Variants in MCTP1 observed in about 807,000 individuals in gnomAD.
MCTP1 encodes the protein multiple C2 and transmembrane domain containing 1, also known as multiple C2 and transmembrane domain-containing protein 1.
Under a neutral mutation model 120.6 loss-of-function variants are expected in MCTP1, and 69 were observed. The observed-to-expected ratio is 0.57, with a 90% CI of 0.47 to 0.70. The LOEUF (loss-of-function observed/expected upper bound fraction) is 0.70. Ranked by LOEUF, MCTP1 falls within the 30% of genes least tolerant of loss-of-function variation. The pLI is 0.00. For synonymous variants in MCTP1, 529 were observed against 493.1 expected (o/e 1.07, Z -0.96); for missense variants, 1,203 against 1,248.8 (o/e 0.96, Z 0.55).
chr5:94,813,152 GA>G (rs1199260102), intron 17 of MCTP1, among the ~76,000 whole-genome samples: 1 of 152,026 alleles, frequency 6.6e-6, no homozygotes, highest in Non-Finnish European at 1.5e-5. Context: ...TAAACAATGG[GA>G]AAAAGATTTA....
chr5:95,057,543 C>G (rs1282338724), intron 1 of MCTP1, among the ~76,000 whole-genome samples: 1 of 152,208 alleles, frequency 6.6e-6, no homozygotes, highest in African/African-American at 2.4e-5. Context: ...GAAATTCATT[C>G]ATCTCAAGAT....
rs1790006880 is a variant in MCTP1, at chr5:94,837,280, C to T, written c.2436+31053G>A. 2.0e-5 allele frequency among the ~76,000 whole-genome samples: 3 copies of T among 152,104 alleles called. No individual in the cohort carries two copies. In the South Asian group the frequency reaches 6.2e-4, roughly 32 times the overall value. ...CCTGTAGTCCCAGCTGCTCGGGAGG[C>T]TGAGGTAGGAGGATCACTTGAGCCC... On this transcript the variant is annotated intron_variant, in intron 17 of 22. Coordinates refer to ENST00000515393, the MANE Select transcript of MCTP1 (RefSeq NM_024717.7).
chr5:95,013,355 C>T (rs1178086598), intron 2 of MCTP1, among the ~76,000 whole-genome samples: 2 of 152,156 alleles, frequency 1.3e-5, no homozygotes, highest in East Asian at 3.9e-4. Context: ...CTACACTAAA[C>T]AACAGATTTT....
At chr5:94,952,463 A>G (rs982980130) in intron 3 of MCTP1, among the ~76,000 whole-genome samples, 3 of 152,176 alleles carry the variant, frequency 2.0e-5, no homozygotes, top group Non-Finnish European at 4.4e-5. Flanking sequence ...GATTGCTGAA[A>G]GATGAGATTT....
intron 19 of MCTP1, among the ~76,000 whole-genome samples, chr5:94,755,693 T>G (rs1456100830): frequency 6.6e-6 from 1 of 152,184 alleles, no homozygotes; most frequent in Non-Finnish European, 1.5e-5. Flanking sequence ...TCCTTTTCAG[T>G]ATATGTTCTG....
chr5:95,056,730 C>T (rs1451437881), intron 1 of MCTP1, among the ~76,000 whole-genome samples: 2 of 152,058 alleles, frequency 1.3e-5, no homozygotes, highest in African/African-American at 4.8e-5. Flanking sequence ...ATTTTGTGTC[C>T]TGCTTTGACG....
At chr5:95,231,955 C>G (rs1047952176) in intron 1 of MCTP1, among the ~76,000 whole-genome samples, 1 of 152,002 alleles carries the variant, frequency 6.6e-6, no homozygotes, top group African/African-American at 2.4e-5. Context: ...AACCTTAGTT[C>G]TTTTGTCATT....
intron 6 of MCTP1, among the ~76,000 whole-genome samples, chr5:94,926,940 C>G (rs562757960): frequency 1.3e-5 from 2 of 152,326 alleles, no homozygotes; most frequent in African/African-American, 4.8e-5. Context: ...TGTCCCTTCA[C>G]TTTGTACCAA....
At chr5:95,276,280 TCGAGTTTCACTC>T (rs1759826161) in intron 1 of MCTP1, among the ~76,000 whole-genome samples, 1 of 114,446 alleles carries the variant, frequency 8.7e-6, no homozygotes, top group Non-Finnish European at 1.9e-5. Context: ...TTTTTTTTGA[TCGAGTTTCACTC>T]TTGTCGCCCA....
rs1361730986 is a variant in MCTP1, at chr5:94,741,849, T to C, written c.2611-26963A>G. Among the ~76,000 whole-genome samples, 3 of 152,224 alleles carry C rather than the reference T, an allele frequency of 2.0e-5. No individual in the cohort carries two copies. In the East Asian group the frequency reaches 5.8e-4, roughly 29 times the overall value. On this transcript the variant is annotated intron_variant, in intron 19 of 22. Coordinates refer to ENST00000515393, the MANE Select transcript of MCTP1 (RefSeq NM_024717.7). ...GTGATTTACTGCTTGTGACTTTGCA[T>C]GAATTCCTTAACCTCCCTAAACCTC... is the stretch of plus-strand genomic sequence containing the variant.
chr5:95,243,571 A>T (rs1756411131), intron 1 of MCTP1, among the ~76,000 whole-genome samples: 1 of 152,188 alleles, frequency 6.6e-6, no homozygotes, highest in Non-Finnish European at 1.5e-5. Context: ...AGCAATGAGG[A>T]ATCAGTGACA....
At chr5:95,171,270 C>T (rs961854759) in intron 1 of MCTP1, among the ~76,000 whole-genome samples, 8 of 152,102 alleles carry the variant, frequency 5.3e-5, no homozygotes, top group African/African-American at 7.2e-5. Context: ...GAGTTTCTGC[C>T]GAGAGATCCG....
intron 1 of MCTP1, among the ~76,000 whole-genome samples, chr5:95,153,669 T>C (rs1744783825): frequency 6.6e-6 from 1 of 152,214 alleles, no homozygotes; most frequent in African/African-American, 2.4e-5. Context: ...GCAACAGATA[T>C]ACAAAGCTTA....
At chr5:94,874,461 A>T (rs184982496) in intron 12 of MCTP1, among the ~76,000 whole-genome samples, 2 of 152,286 alleles carry the variant, frequency 1.3e-5, no homozygotes, top group Admixed American at 1.3e-4. Flanking sequence ...TTATATTAAA[A>T]AAGAGATTTA....
intron 1 of MCTP1, among the ~76,000 whole-genome samples, chr5:95,241,223 C>T (rs1408774953): frequency 1.3e-5 from 2 of 152,152 alleles, no homozygotes; most frequent in African/African-American, 4.8e-5. Flanking sequence ...TCAGTAAACC[C>T]TATCCATGTG....
chr5:95,220,543 T>C (rs562195114), intron 1 of MCTP1, among the ~76,000 whole-genome samples: 1 of 152,334 alleles, frequency 6.6e-6, no homozygotes, highest in Admixed American at 6.5e-5. Context: ...GACTTTGATG[T>C]TGAGGCCAAG....
chr5:95,242,665 C>T (rs2152682102), intron 1 of MCTP1, among the ~76,000 whole-genome samples: 1 of 152,202 alleles, frequency 6.6e-6, no homozygotes, highest in Admixed American at 6.5e-5. Context: ...ACTTTTTCAT[C>T]TCACTTATAT....
intron 17 of MCTP1, among the ~76,000 whole-genome samples, chr5:94,838,527 C>G (rs985832644): frequency 6.6e-6 from 1 of 152,044 alleles, no homozygotes; most frequent in Admixed American, 6.5e-5. Context: ...AGTCAGAGAA[C>G]AATACTGGAA....
intron 1 of MCTP1, among the ~76,000 whole-genome samples, chr5:95,164,563 A>G (rs1238215939): frequency 1.3e-5 from 2 of 152,214 alleles, no homozygotes; most frequent in Non-Finnish European, 2.9e-5. Flanking sequence ...TTTACCAATT[A>G]TATTTGGATT....
Sources: gnomAD v4.1 joint callset for allele counts (sites outside exome capture counted in the v4.1 genomes callset) on GRCh38, gnomAD v4.1.1 for gene constraint, MANE v1.5 for transcripts, NCBI Gene and HGNC (gene_info 2026-07-23, HGNC 2026-07-21) for gene names.